The following OCA2 variants were observed in gnomAD, a reference collection of about 807,000 sequenced individuals.
OCA2 encodes the protein P protein.
In OCA2, 77 loss-of-function variants were observed where a neutral mutation model predicts 100.2. The ratio of observed to expected loss-of-function variants is 0.77; its 90% CI spans 0.64 to 0.93. The LOEUF (loss-of-function observed/expected upper bound fraction) is 0.93. OCA2 is among the 40% of genes least tolerant of loss of function. OCA2 has a pLI of 0.00. For synonymous variants in OCA2, 432 were observed against 439.2 expected, an observed-to-expected ratio of 0.98 and a Z score of 0.21; for missense variants, 1,062 against 1,089.1, an observed-to-expected ratio of 0.98 and a Z score of 0.35.
the OCA2 span, among the ~76,000 whole-genome samples, chr15:27,749,767 A>G: frequency 6.6e-6 from 1 of 152,322 alleles, no homozygotes; most frequent in South Asian, 2.1e-4. Flanking sequence ...CTCAATTATA[A>G]ATCTAACAAA....
chr15:27,801,349 C>A (rs1219878924), intron 23 of OCA2, among the ~76,000 whole-genome samples: 9 of 152,008 alleles, frequency 5.9e-5, no homozygotes, highest in African/African-American at 2.2e-4. Flanking sequence ...GTCAAGAGAT[C>A]AAGACCATCC....
At chr15:27,890,755 T>C (rs1166939763) in intron 19 of OCA2, among the ~76,000 whole-genome samples, 2 of 152,172 alleles carry the variant, frequency 1.3e-5, no homozygotes, top group South Asian at 2.1e-4. Context: ...AGGCTGGGTG[T>C]GGTGGCCCAC....
At chr15:27,963,094 A>T (rs569225343) in intron 15 of OCA2, among the ~76,000 whole-genome samples, 7 of 152,208 alleles carry the variant, frequency 4.6e-5, no homozygotes, top group Non-Finnish European at 8.8e-5. Context: ...ACAATCCTAA[A>T]TATTTATGTG....
At chr15:27,901,216 T>A (rs1430577986) in intron 19 of OCA2, among the ~76,000 whole-genome samples, 2 of 152,216 alleles carry the variant, frequency 1.3e-5, no homozygotes, top group East Asian at 1.9e-4. Flanking sequence ...CAAACGATGT[T>A]TTTAAAATCC....
rs745930102 is a variant in OCA2, at chr15:27,926,122, C to A, written c.2079+5G>T. 3 of 1,614,062 alleles carry A rather than the reference C, an allele frequency of 1.9e-6. No individual in the cohort carries two copies. In the South Asian group the frequency reaches 3.3e-5, roughly 18 times the overall value. On this transcript the variant is annotated splice_donor_5th_base_variant and intron_variant, in intron 19 of 23. Transcript: ENST00000354638. ...TGCCATATGGCAAAAGTTCTAAAATCTTACCTCCATCAGAACAAAGAGCGC... is the reference window on the plus strand; with the variant it reads ...TGCCATATGGCAAAAGTTCTAAAATATTACCTCCATCAGAACAAAGAGCGC...
At chr15:27,984,970 A>G in intron 13 of OCA2, 94 bp downstream of exon 13, 1 of 1,487,926 alleles carries the variant, frequency 6.7e-7, no homozygotes, top group Non-Finnish European at 9.3e-7. Context: ...CTTTTCATGC[A>G]CCTGAGAATG....
At chr15:27,725,907 T>C in the OCA2 span, among the ~76,000 whole-genome samples, 1 of 152,122 alleles carries the variant, frequency 6.6e-6, no homozygotes, top group Non-Finnish European at 1.5e-5. Flanking sequence ...AATGCACACA[T>C]TGGCAGAAGC....
chr15:27,892,111 TTA>T (rs1253139969), intron 19 of OCA2, among the ~76,000 whole-genome samples: 8 of 152,220 alleles, frequency 5.3e-5, no homozygotes, highest in Middle Eastern at 3.4e-3. Context: ...AAATTCATGT[TTA>T]TAATTGGGAA....
chr15:28,081,961 G>A, intron 1 of OCA2, 66 bp from the exon 2 acceptor site: 14 of 1,304,552 alleles, frequency 1.1e-5, no homozygotes, highest in Non-Finnish European at 1.5e-5. Context: ...TGCACCTTGG[G>A]AGTCCGTACA....
chr15:27,856,814 T>G lies in OCA2; in HGVS notation c.2245-5339A>C, dbSNP rs568739364. Among the ~76,000 whole-genome samples the G allele has an allele frequency of 3.9e-5, 6 of 152,216 alleles. No homozygotes were observed. In the South Asian group the frequency reaches 1.2e-3, roughly 32 times the overall value. ...AGAGATAATAGAAGAAAAACTTCAA[T>G]GACCATACACTTTTCAAAAAATGTT... is the stretch of plus-strand genomic sequence containing the variant. On this transcript the variant is annotated intron_variant, in intron 21 of 23. Transcript: ENST00000354638.
At chr15:27,923,647 C>A (rs564931448) in intron 19 of OCA2, among the ~76,000 whole-genome samples, 2 of 152,172 alleles carry the variant, frequency 1.3e-5, no homozygotes, top group Admixed American at 1.3e-4. Context: ...TTATTGGCTG[C>A]GTGTATGTCT....
intron 23 of OCA2, among the ~76,000 whole-genome samples, chr15:27,800,967 G>A (rs1250813758): frequency 6.6e-6 from 1 of 151,958 alleles, no homozygotes; most frequent in Non-Finnish European, 1.5e-5. Context: ...ACCCTACCTC[G>A]AAAAACAATT....
At chr15:27,969,944 A>G (rs1206406227) in intron 14 of OCA2, among the ~76,000 whole-genome samples, 1 of 151,720 alleles carries the variant, frequency 6.6e-6, no homozygotes, top group Admixed American at 6.6e-5. Flanking sequence ...GTTTAGCTGA[A>G]TCTATTGAAT....
rs548338187 is a variant in OCA2, at chr15:27,843,119, A to G, written c.2432+1840T>C. Among the ~76,000 whole-genome samples, 15 of 152,292 alleles carry G rather than the reference A, an allele frequency of 9.8e-5. No individual in the cohort carries two copies. The South Asian group carries it at 3.1e-3, about 32-fold the overall frequency. On this transcript the variant is annotated intron_variant, in intron 23 of 23. Transcript: ENST00000354638. The stretch of plus-strand genomic sequence containing the variant: ...AGACCAACTGGTGTTGCAAAAAGCC[A>G]TGCTTTTTGCTCTCTGAAATCCAGC...
chr15:28,059,346 A>G (rs2141647688), intron 2 of OCA2, among the ~76,000 whole-genome samples: 1 of 152,358 alleles, frequency 6.6e-6, no homozygotes, highest in African/African-American at 2.4e-5. Context: ...CAGCAAAGGA[A>G]TAAGGTAAAT....
At chr15:27,950,274 C>T (rs1180416074) in intron 18 of OCA2, among the ~76,000 whole-genome samples, 2 of 152,158 alleles carry the variant, frequency 1.3e-5, no homozygotes, top group Non-Finnish European at 2.9e-5. Context: ...CCTAATGGAA[C>T]CTCTCTGCCC....
intron 18 of OCA2, among the ~76,000 whole-genome samples, chr15:27,947,325 G>A (rs545144202): frequency 2.5e-4 from 38 of 152,328 alleles, no homozygotes; most frequent in Middle Eastern, 3.4e-3. Context: ...CAGAGCCAGC[G>A]CCCAGGCTGG....
chr15:27,783,532 A>T (rs973064283), intron 23 of OCA2, among the ~76,000 whole-genome samples: 2 of 152,148 alleles, frequency 1.3e-5, no homozygotes, highest in East Asian at 3.9e-4. Context: ...GAAGAGGGGG[A>T]GGGACCTGCA....
At position 27,948,742 on chromosome 15, in the gene OCA2, G is replaced by A. The variant is rs955008664; in HGVS notation, c.1951+3042C>T. 5.3e-5 allele frequency among the ~76,000 whole-genome samples: 8 copies of A among 152,202 alleles called. No individual in the cohort carries two copies. The East Asian group carries it at 1.2e-3, about 22-fold the overall frequency. Reference sequence around the variant, plus strand: ...CGGCCTTCCAAAGTGCTAGGATTACGGGCATGAGCCACTGTGCCCGGCCAA... The same window carrying A: ...CGGCCTTCCAAAGTGCTAGGATTACAGGCATGAGCCACTGTGCCCGGCCAA... On this transcript the variant is annotated intron_variant, in intron 18 of 23. Transcript: ENST00000354638.
Sources: allele counts gnomAD v4.1 joint callset (sites outside exome capture counted in the v4.1 genomes callset), GRCh38; gene constraint gnomAD v4.1.1; transcripts MANE v1.5; gene names NCBI Gene and HGNC (gene_info 2026-07-23, HGNC 2026-07-21).